The following CADM2 variants were observed in gnomAD, a reference collection of about 807,000 sequenced individuals.
CADM2 encodes the protein immunoglobulin superfamily member 4D.
CADM2 carries 12 observed loss-of-function variants against 49.8 expected under a neutral mutation model. That is an observed-to-expected ratio of 0.24 (90% CI 0.15 to 0.39). The LOEUF is 0.39. Among genes scored for constraint, CADM2 ranks in the 10% least tolerant of loss-of-function variants. The pLI is 1.00. For missense variants in CADM2, 378 were observed against 492.3 expected (o/e 0.77, Z 2.20); for synonymous variants, 214 against 175.4 (o/e 1.22, Z -1.74).
At chr3:85,887,919 C>T (rs1713894732) in intron 5 of CADM2, among the ~76,000 whole-genome samples, 1 of 152,160 alleles carries the variant, frequency 6.6e-6, no homozygotes, top group Non-Finnish European at 1.5e-5. Flanking sequence ...AAGCCCTAAA[C>T]TTTAGAATAA....
chr3:85,045,977 A>G (rs1015579874), intron 1 of CADM2, among the ~76,000 whole-genome samples: 4 of 152,136 alleles, frequency 2.6e-5, no homozygotes, highest in Admixed American at 1.3e-4. Context: ...ATCCCAAAAG[A>G]TTGAAAAGTG....
At chr3:85,647,098 T>G (rs1371958734) in intron 1 of CADM2, among the ~76,000 whole-genome samples, 1 of 151,830 alleles carries the variant, frequency 6.6e-6, no homozygotes, top group Non-Finnish European at 1.5e-5. Flanking sequence ...TGAGAGGAAT[T>G]TAATTAGATC....
At chr3:85,000,114 T>TTCTCTCTCTCTCTCTCTCTCTCTCTCTC (rs59094520) in intron 1 of CADM2, among the ~76,000 whole-genome samples, 1 of 136,836 alleles carries the variant, frequency 7.3e-6, no homozygotes, top group African/African-American at 2.8e-5. Context: ...TGCTTCTACT[T>TTCTCTCTCTCTCTCTCTCTCTCTCTCTC]TCTCTCTCTC....
intron 1 of CADM2, among the ~76,000 whole-genome samples, chr3:85,081,698 CTCTG>C (rs1211902564): frequency 4.6e-5 from 7 of 152,152 alleles, no homozygotes; most frequent in South Asian, 2.1e-4. Context: ...AATTCCTCAG[CTCTG>C]TCTAACAGCT....
intron 1 of CADM2, among the ~76,000 whole-genome samples, chr3:85,581,357 C>A (rs1295313790): frequency 3.3e-5 from 5 of 150,734 alleles, no homozygotes; most frequent in African/African-American, 1.2e-4. Context: ...AACAGTCATT[C>A]TCTCTTGTTA....
Position 85,762,105 on chromosome 3 carries a change from A to T in CADM2, c.88+35557A>T, listed in dbSNP as rs373194519. Among the ~76,000 whole-genome samples the T allele has an allele frequency of 9.2e-5, 14 of 152,304 alleles. No individual in the cohort carries two copies. The South Asian group carries it at 2.5e-3, about 27-fold the overall frequency. ...AATCACTAGGTCAAACTTGAAACAA[A>T]CAAACACGGGAAATCCTTTACATAA... On this transcript the variant is annotated intron_variant, in intron 2 of 9. Transcript: ENST00000383699.
At chr3:85,387,895 G>T (rs1443198763) in intron 1 of CADM2, among the ~76,000 whole-genome samples, 1 of 152,084 alleles carries the variant, frequency 6.6e-6, no homozygotes, top group Admixed American at 6.6e-5. Flanking sequence ...TCTAAATATA[G>T]TTCCTTTGCT....
chr3:85,727,092 TAAAG>T lies in CADM2; in HGVS notation c.88+548_88+551del, dbSNP rs1443210390. Among the ~76,000 whole-genome samples the T allele has an allele frequency of 2.6e-5, 4 of 152,046 alleles. No homozygotes were observed. In the South Asian group the frequency reaches 6.2e-4, roughly 24 times the overall value. On this transcript the variant is annotated intron_variant, in intron 2 of 9. Coordinates refer to ENST00000383699, the MANE Select transcript of CADM2 (RefSeq NM_001167675.2). The stretch of plus-strand genomic sequence containing the variant: ...AGATGCACATGTCCAACGCTGAAAA[TAAAG>T]AAAAAGTATTTTGGCTCCATGTGTC...
rs1158845007 is a variant in CADM2 at position 86,071,895 on chromosome 3, A to G, written c.*5112A>G. 1 of 152,020 alleles carries G rather than the reference A, an allele frequency of 6.6e-6. No individual in the cohort carries two copies. Among genetic ancestry groups the G allele is most frequent in the Non-Finnish European group, 1.5e-5 (1 of 67,904 alleles). 9.4% of individuals were successfully genotyped at this position (152,020 alleles called of 1,614,324 possible). A position where few individuals can be genotyped will look rare whatever the true frequency, so the allele number is the denominator to read the frequency against. On this transcript the variant is annotated 3_prime_UTR_variant, in exon 10 of 10. Coordinates refer to ENST00000383699, the MANE Select transcript of CADM2 (RefSeq NM_001167675.2). ...CACTTTGCGATCCAATCTGATATTT[A>G]ATTTTTAAAATGTAACAATTTCTTA...
chr3:85,159,438 G>A (rs1000915461), intron 1 of CADM2, among the ~76,000 whole-genome samples: 1 of 152,020 alleles, frequency 6.6e-6, no homozygotes, highest in Non-Finnish European at 1.5e-5. Context: ...TGTACTGGGA[G>A]TAAAATCATC....
chr3:85,174,116 T>C (rs1467050340), intron 1 of CADM2, among the ~76,000 whole-genome samples: 1 of 152,084 alleles, frequency 6.6e-6, no homozygotes, highest in Non-Finnish European at 1.5e-5. Context: ...CCCCATCTCA[T>C]TGTTGGGCAG....
chr3:85,872,721 A>G (rs1313289608), intron 3 of CADM2, among the ~76,000 whole-genome samples: 4 of 149,410 alleles, frequency 2.7e-5, no homozygotes. Context: ...TTATATTTAT[A>G]CATTATATAT....
At chr3:86,059,713 G>A (rs1738390677) in intron 8 of CADM2, among the ~76,000 whole-genome samples, 1 of 152,092 alleles carries the variant, frequency 6.6e-6, no homozygotes, top group Non-Finnish European at 1.5e-5. Context: ...TGAAATAGGA[G>A]GTAGATGTGA....
chr3:85,399,876 G>A (rs933624398), intron 1 of CADM2, among the ~76,000 whole-genome samples: 8 of 152,138 alleles, frequency 5.3e-5, no homozygotes, highest in African/African-American at 2.4e-5. Flanking sequence ...GGGCTGAGAC[G>A]ATGGGGTTTT....
chr3:85,588,150 A>T (rs909239575), intron 1 of CADM2, among the ~76,000 whole-genome samples: 4 of 152,040 alleles, frequency 2.6e-5, no homozygotes, highest in Non-Finnish European at 4.4e-5. Flanking sequence ...TGATGCATCT[A>T]TCACCTGTCA....
intron 2 of CADM2, among the ~76,000 whole-genome samples, chr3:85,729,384 C>A (rs2067840386): frequency 6.6e-6 from 1 of 152,054 alleles, no homozygotes; most frequent in South Asian, 2.1e-4. Flanking sequence ...ATTTTCTAGA[C>A]AATTGTGTAC....
At chr3:85,088,295 T>G (rs571941445) in intron 1 of CADM2, among the ~76,000 whole-genome samples, 1 of 152,118 alleles carries the variant, frequency 6.6e-6, no homozygotes, top group South Asian at 2.1e-4. Context: ...ATTGAACACC[T>G]TTGGAAACCT....
chr3:85,120,747 A>G (rs1407633689), intron 1 of CADM2, among the ~76,000 whole-genome samples: 1 of 152,120 alleles, frequency 6.6e-6, no homozygotes, highest in Non-Finnish European at 1.5e-5. Flanking sequence ...AGATGGCTGC[A>G]GCAAACCACC....
At chr3:85,282,616 G>T (rs1181297466) in intron 1 of CADM2, among the ~76,000 whole-genome samples, 2 of 151,706 alleles carry the variant, frequency 1.3e-5, no homozygotes, top group African/African-American at 4.8e-5. Flanking sequence ...TATAGATTTC[G>T]AGAGAATTAC....
Sources: gnomAD v4.1 joint callset for allele counts (sites outside exome capture counted in the v4.1 genomes callset) on GRCh38, gnomAD v4.1.1 for gene constraint, MANE v1.5 for transcripts, NCBI Gene and HGNC (gene_info 2026-07-23, HGNC 2026-07-21) for gene names.